The following NSMCE3 variants were observed in gnomAD, a reference collection of about 807,000 sequenced individuals.
The protein encoded by NSMCE3 is NSE3 component of SMC5/6 complex, also known as non-structural maintenance of chromosomes element 3 homolog.
For synonymous variants in NSMCE3, 214 were observed against 172.2 expected, an observed-to-expected ratio of 1.24 and a Z score of -1.90; for missense variants, 452 against 399.5, an observed-to-expected ratio of 1.13 and a Z score of -1.12.
Position 29,269,778 on chromosome 15 carries a change from C to T in NSMCE3, c.-73G>A. 1 of 1,351,810 alleles carries T rather than the reference C, an allele frequency of 7.4e-7. No individual in the cohort carries two copies. The highest frequency in any genetic ancestry group is 2.4e-4 in the Middle Eastern group (1 of 4,196). The allele number at this position is 1,351,810 out of a possible 1,614,324, so 83.7% of individuals were successfully genotyped here. Reference sequence around the variant, plus strand: ...CGGCGGGGATTGCGGGTCGGCGACCCGCTAACGCCGGTGCCTGGAGGCGCG... The same window carrying T: ...CGGCGGGGATTGCGGGTCGGCGACCTGCTAACGCCGGTGCCTGGAGGCGCG... On this transcript the variant is annotated 5_prime_UTR_variant, in exon 1 of 1. Coordinates refer to ENST00000332303, the MANE Select transcript of NSMCE3 (RefSeq NM_138704.4).
rs577292069 is a variant in NSMCE3 at position 29,266,503 on chromosome 15, A to T, written c.*2288T>A. 1 of 152,354 alleles carries T rather than the reference A, an allele frequency of 6.6e-6. No homozygotes were observed. The highest frequency in any genetic ancestry group is 6.5e-5 in the Admixed American group (1 of 15,300). The allele number at this position is 152,354 out of a possible 1,614,324, so 9.4% of individuals were successfully genotyped here. On this transcript the variant is annotated 3_prime_UTR_variant, in exon 1 of 1. Coordinates refer to ENST00000332303, the MANE Select transcript of NSMCE3 (RefSeq NM_138704.4). ...AATCTCAAAGAACTGGAAAGACCTT[A>T]AATGTCCAGACATTAAGGAATGGAT...
rs200392570 is a variant in NSMCE3 at position 29,268,768 on chromosome 15, G to A, written c.*23C>T. 438 of 1,575,868 alleles carry A rather than the reference G, an allele frequency of 2.8e-4. No individual in the cohort carries two copies. The highest frequency in any genetic ancestry group is 7.7e-5 in the Non-Finnish European group (89 of 1,161,432). On this transcript the variant is annotated 3_prime_UTR_variant, in exon 1 of 1. Transcript: ENST00000332303. Reference sequence around the variant, plus strand: ...CCTTTGGGTCTCAGACCCTTGTCCCGGGGGTCCCTCTGAATCCACCTTTCA... The same window carrying A: ...CCTTTGGGTCTCAGACCCTTGTCCCAGGGGTCCCTCTGAATCCACCTTTCA...
rs1483057522 is a variant in NSMCE3, at chr15:29,269,567, C to A, written c.139G>T (p.Ala47Ser). The A allele has an allele frequency of 6.5e-7, 1 of 1,529,682 alleles. No homozygotes were observed. The highest frequency in any genetic ancestry group is 8.8e-7 in the Non-Finnish European group (1 of 1,142,570). 94.8% of individuals were successfully genotyped at this position (1,529,682 alleles called of 1,614,324 possible). Reference protein sequence around the residue: ...RVLRDGFAEEAPSTSRGPGGS... With the variant: ...RVLRDGFAEESPSTSRGPGGS... ...CCCGGCCCGCGGGACGTGCTCGGGG[C>A]CTCCTCGGCAAAGCCGTCTCTGAGA... The change falls in exon 1 of 1, where the codon GCC becomes TCC. Residue 47 changes from alanine to serine, a missense_variant. By Grantham distance (99) the Ala-to-Ser change is moderately conservative. Coordinates refer to ENST00000332303, the MANE Select transcript of NSMCE3 (RefSeq NM_138704.4).
chr15:29,266,488 A>T lies in NSMCE3; in HGVS notation c.*2303T>A, dbSNP rs2153041456. 6.6e-6 allele frequency: 1 copy of T among 152,320 alleles called. No homozygotes were observed. The highest frequency in any genetic ancestry group is 1.9e-4 in the East Asian group (1 of 5,182). 9.4% of individuals were successfully genotyped at this position (152,320 alleles called of 1,614,324 possible). A position where few individuals can be genotyped will look rare whatever the true frequency, so the allele number is the denominator to read the frequency against. On this transcript the variant is annotated 3_prime_UTR_variant, in exon 1 of 1. Transcript: ENST00000332303. ...TGTACAATGCCTGCAAATCTCAAAG[A>T]ACTGGAAAGACCTTAAATGTCCAGA...
At position 29,267,381 on chromosome 15, in the gene NSMCE3, T is replaced by C. The variant is rs1257715503; in HGVS notation, c.*1410A>G. On this transcript the variant is annotated 3_prime_UTR_variant, in exon 1 of 1. Transcript: ENST00000332303. ...GGAGGAACACAATGGGACTATGAAC[T>C]CTTCTAGTTCATTTAGTGCATAAAA... 6.6e-6 allele frequency: 1 copy of C among 152,218 alleles called. No individual in the cohort carries two copies. The highest frequency in any genetic ancestry group is 6.5e-5 in the Admixed American group (1 of 15,280). The allele number at this position is 152,218 out of a possible 1,614,324, so 9.4% of individuals were successfully genotyped here. A position where few individuals can be genotyped will look rare whatever the true frequency, so the allele number is the denominator to read the frequency against.
Position 29,269,549 on chromosome 15 carries a change from C to A in NSMCE3, c.157G>T (p.Gly53Trp). Residue 53 changes from glycine (G) to tryptophan (W), a missense_variant, in exon 1 of 1, where the codon GGG becomes TGG. Transcript: ENST00000332303. The part of the protein sequence containing the change: ...FAEEAPSTSR[G>W]PGGSQGSQGP... ...TGCGACCCCTGCGAGCCGCCCGGCC[C>A]GCGGGACGTGCTCGGGGCCTCCTCG... 2 of 1,512,842 alleles carry A rather than the reference C, an allele frequency of 1.3e-6. No homozygotes were observed. 93.7% of individuals were successfully genotyped at this position (1,512,842 alleles called of 1,614,324 possible). A position where few individuals can be genotyped will look rare whatever the true frequency, so the allele number is the denominator to read the frequency against.
chr15:29,268,226 T>C lies in NSMCE3; in HGVS notation c.*565A>G, dbSNP rs2043521905. 1 of 152,270 alleles carries C rather than the reference T, an allele frequency of 6.6e-6. No homozygotes were observed. The highest frequency in any genetic ancestry group is 2.4e-5 in the African/African-American group (1 of 41,454). The allele number at this position is 152,270 out of a possible 1,614,324, so 9.4% of individuals were successfully genotyped here. ...AAAAAAACGAAGTGGAACTACGTGT[T>C]TAGCAGCAGAGCTGAATAATTATGA... On this transcript the variant is annotated 3_prime_UTR_variant, in exon 1 of 1. Coordinates refer to ENST00000332303, the MANE Select transcript of NSMCE3 (RefSeq NM_138704.4).
rs766453871 is a variant in NSMCE3 at position 29,269,601 on chromosome 15, G to A, written c.105C>T (p.Asp35=). 2 of 1,557,704 alleles carry A rather than the reference G, an allele frequency of 1.3e-6. No individual in the cohort carries two copies. The highest frequency in any genetic ancestry group is 1.7e-6 in the Non-Finnish European group (2 of 1,156,236). The change falls in exon 1 of 1, where the codon GAC becomes GAT. Residue 35 remains aspartate (D), a synonymous_variant. Transcript: ENST00000332303. The stretch of plus-strand genomic sequence containing the variant: ...CAAAGCCGTCTCTGAGAACCCGGGC[G>A]TCTTCCCCGGCCCGCGAAGCCCCGG... ...GNPGASRAGE[D]ARVLRDGFAE... is the part of the protein sequence containing the mutation.
In NSMCE3 at chr15:29,269,712, G is replaced by A. The variant is rs777531878; in HGVS notation, c.-7C>T. The A allele has an allele frequency of 6.6e-7, 1 of 1,517,380 alleles. No individual in the cohort carries two copies. Among genetic ancestry groups the A allele is most frequent in the Non-Finnish European group, 8.8e-7 (1 of 1,142,028 alleles). The allele number at this position is 1,517,380 out of a possible 1,614,324, so 94.0% of individuals were successfully genotyped here. ...TCCTCGGTTTTTGCAACATGTCTCCGGCGGCAGGTGCCGGCGCACACTCCG... is the reference window on the plus strand; with the variant it reads ...TCCTCGGTTTTTGCAACATGTCTCCAGCGGCAGGTGCCGGCGCACACTCCG... On this transcript the variant is annotated 5_prime_UTR_variant, in exon 1 of 1. Transcript: ENST00000332303.
In NSMCE3 at chr15:29,269,458, T is replaced by C. The variant is rs774005900; in HGVS notation, c.248A>G (p.Lys83Arg). The change falls in exon 1 of 1, where the codon AAG becomes AGG. Residue 83 changes from lysine (K) to arginine (R), a missense_variant. Transcript: ENST00000332303. ...CTCGGACACTTTCAGCTCCAGCTGC[T>C]TCTGGCTCCTGGGCCCCACGGCGGG... ...AAPAVGPRSQ[K>R]QLELKVSELV... is the part of the protein sequence containing the mutation. 5 of 1,613,596 alleles carry C rather than the reference T, an allele frequency of 3.1e-6. No homozygotes were observed. The African/African-American group carries it at 4.0e-5, about 13-fold the overall frequency.
In NSMCE3 at chr15:29,269,473, C is replaced by T; in HGVS notation, c.233G>A (p.Gly78Glu). 1.2e-6 allele frequency: 2 copies of T among 1,612,346 alleles called. No homozygotes were observed. Among genetic ancestry groups the T allele is most frequent in the African/African-American group, 1.3e-5 (1 of 75,014 alleles). Reference sequence around the variant, plus strand: ...CTCCAGCTGCTTCTGGCTCCTGGGCCCCACGGCGGGGGCGGCCTGGGCCCG... The same window carrying T: ...CTCCAGCTGCTTCTGGCTCCTGGGCTCCACGGCGGGGGCGGCCTGGGCCCG... ...ARRAQAAPAVGPRSQKQLELK... is the reference protein window; with the variant it reads ...ARRAQAAPAVEPRSQKQLELK... The change falls in exon 1 of 1, where the codon GGG becomes GAG. Residue 78 changes from glycine (G) to glutamate (E), a missense_variant. By Grantham distance (98) the Gly-to-Glu change is moderately conservative. Coordinates refer to ENST00000332303, the MANE Select transcript of NSMCE3 (RefSeq NM_138704.4).
chr15:29,269,480 C>CG lies in NSMCE3; in HGVS notation c.225dup (p.Ala76ArgfsTer24). The stretch of plus-strand genomic sequence containing the variant: ...TGCTTCTGGCTCCTGGGCCCCACGG[C>CG]GGGGGCGGCCTGGGCCCGGCGGGCG... On this transcript the variant is annotated frameshift_variant, in exon 1 of 1. Transcript: ENST00000332303. LOFTEE classifies it low-confidence loss of function (END_TRUNC). 1 of 1,611,128 alleles carries CG rather than the reference C, an allele frequency of 6.2e-7. No individual in the cohort carries two copies. Among genetic ancestry groups the CG allele is most frequent in the Non-Finnish European group, 8.5e-7 (1 of 1,179,086 alleles).
chr15:29,269,081 G>C lies in NSMCE3; in HGVS notation c.625C>G (p.Pro209Ala), dbSNP rs1014558827. 6.8e-6 allele frequency: 11 copies of C among 1,614,060 alleles called. No individual in the cohort carries two copies. The highest frequency in any genetic ancestry group is 9.3e-6 in the Non-Finnish European group (11 of 1,180,006). ...WDFLRRLGVYPTKKHLIFGDP... is the reference protein window; with the variant it reads ...WDFLRRLGVYATKKHLIFGDP... ...CCGAAAATTAAATGCTTCTTGGTGG[G>C]GTAGACCCCTAAGCGCCGCAGAAAG... is the stretch of plus-strand genomic sequence containing the variant. The change falls in exon 1 of 1, where the codon CCC (proline) becomes GCC (alanine). Residue 209 changes from proline (P) to alanine (A), a missense_variant. Physicochemically the swap from Pro to Ala is conservative, Grantham distance 27. Coordinates refer to ENST00000332303, the MANE Select transcript of NSMCE3 (RefSeq NM_138704.4).
chr15:29,265,898 C>T lies in NSMCE3; in HGVS notation c.*2893G>A, dbSNP rs2043468241. On this transcript the variant is annotated 3_prime_UTR_variant, in exon 1 of 1. Coordinates refer to ENST00000332303, the MANE Select transcript of NSMCE3 (RefSeq NM_138704.4). ...AATGTGAAGATCAAAACTTTGAACA[C>T]TTAGGGAAAAAAGGCAGAAAACATA... 6.6e-6 allele frequency: 1 copy of T among 152,064 alleles called. No individual in the cohort carries two copies. Among genetic ancestry groups the T allele is most frequent in the Non-Finnish European group, 1.5e-5 (1 of 68,022 alleles). The allele number at this position is 152,064 out of a possible 1,614,324, so 9.4% of individuals were successfully genotyped here.
chr15:29,269,737 G>T lies in NSMCE3; in HGVS notation c.-32C>A. ...GGCGGCAGGTGCCGGCGCACACTCC[G>T]GTAGGCAAGCAGCCGCGGCGGGGAT... On this transcript the variant is annotated 5_prime_UTR_variant, in exon 1 of 1. Transcript: ENST00000332303. 2 of 1,457,428 alleles carry T rather than the reference G, an allele frequency of 1.4e-6. No individual in the cohort carries two copies. Among genetic ancestry groups the T allele is most frequent in the East Asian group, 2.8e-5 (1 of 35,372 alleles). The allele number at this position is 1,457,428 out of a possible 1,614,324, so 90.3% of individuals were successfully genotyped here.
Position 29,268,491 on chromosome 15 carries a change from T to C in NSMCE3, c.*300A>G. 2.8e-6 allele frequency: 1 copy of C among 351,084 alleles called. No individual in the cohort carries two copies. The highest frequency in any genetic ancestry group is 5.1e-6 in the Non-Finnish European group (1 of 197,112). 21.7% of individuals were successfully genotyped at this position (351,084 alleles called of 1,614,324 possible). The stretch of plus-strand genomic sequence containing the variant: ...CAAAGCAACTTACTTATGTGTTCCT[T>C]CTTGCATTATCTGTTCCAGATCATA... On this transcript the variant is annotated 3_prime_UTR_variant, in exon 1 of 1. Coordinates refer to ENST00000332303, the MANE Select transcript of NSMCE3 (RefSeq NM_138704.4).
In NSMCE3 at chr15:29,269,463, G is replaced by A. The variant is rs377561794; in HGVS notation, c.243C>T (p.Ser81=). The change falls in exon 1 of 1, where the codon AGC becomes AGT. Residue 81 remains serine, a synonymous_variant. Transcript: ENST00000332303. ...ACACTTTCAGCTCCAGCTGCTTCTG[G>A]CTCCTGGGCCCCACGGCGGGGGCGG... ...AQAAPAVGPR[S]QKQLELKVSE... 9.9e-6 allele frequency: 16 copies of A among 1,613,248 alleles called. No individual in the cohort carries two copies. The African/African-American group carries it at 2.0e-4, about 20-fold the overall frequency.
Position 29,269,790 on chromosome 15 carries a change from T to G in NSMCE3, c.-85A>C. ...CGGGTCGGCGACCCGCTAACGCCGG[T>G]GCCTGGAGGCGCGCGCAGTGTCGGC... On this transcript the variant is annotated 5_prime_UTR_variant, in exon 1 of 1. Coordinates refer to ENST00000332303, the MANE Select transcript of NSMCE3 (RefSeq NM_138704.4). 7.9e-7 allele frequency: 1 copy of G among 1,273,276 alleles called. No individual in the cohort carries two copies. Among genetic ancestry groups the G allele is most frequent in the South Asian group, 1.7e-5 (1 of 57,380 alleles). The allele number at this position is 1,273,276 out of a possible 1,614,324, so 78.9% of individuals were successfully genotyped here. A position where few individuals can be genotyped will look rare whatever the true frequency, so the allele number is the denominator to read the frequency against.
Position 29,269,770 on chromosome 15 carries a change from C to T in NSMCE3, c.-65G>A, listed in dbSNP as rs973898034. The T allele has an allele frequency of 2.2e-6, 3 of 1,379,748 alleles. No individual in the cohort carries two copies. The highest frequency in any genetic ancestry group is 2.8e-6 in the Non-Finnish European group (3 of 1,064,858). The allele number at this position is 1,379,748 out of a possible 1,614,324, so 85.5% of individuals were successfully genotyped here. Reference sequence around the variant, plus strand: ...AGCAGCCGCGGCGGGGATTGCGGGTCGGCGACCCGCTAACGCCGGTGCCTG... The same window carrying T: ...AGCAGCCGCGGCGGGGATTGCGGGTTGGCGACCCGCTAACGCCGGTGCCTG... On this transcript the variant is annotated 5_prime_UTR_variant, in exon 1 of 1. Transcript: ENST00000332303.
Sources: allele counts gnomAD v4.1 joint callset, GRCh38; gene constraint gnomAD v4.1.1; transcripts MANE v1.5; gene names NCBI Gene and HGNC (gene_info 2026-07-23, HGNC 2026-07-21).